STK4: variants seen among roughly 807,000 people sequenced by gnomAD.
The protein encoded by STK4 is serine/threonine-protein kinase 4.
Under a neutral mutation model 64.9 loss-of-function variants are expected in STK4, and 30 were observed. The ratio of observed to expected loss-of-function variants is 0.46; its 90% CI spans 0.35 to 0.63. The LOEUF (loss-of-function observed/expected upper bound fraction) is 0.63, where lower values mean the gene tolerates loss of function less well. Among genes scored for constraint, STK4 ranks in the 20% least tolerant of loss-of-function variants. The pLI is 0.01. For missense variants in STK4, 466 were observed against 598.5 expected (o/e 0.78, Z 2.31); for synonymous variants, 177 against 199.0 (o/e 0.89, Z 0.93).
chr20:44,995,727 G>T (rs1203628787), intron 6 of STK4, among the ~76,000 whole-genome samples: 3 of 151,292 alleles, frequency 2.0e-5, no homozygotes, highest in African/African-American at 7.3e-5. Flanking sequence ...GACTCTAGTT[G>T]TAGTCATTAA....
Position 45,077,093 on chromosome 20 carries a change from T to A in STK4, c.*1917T>A, listed in dbSNP as rs1267610713. ...TATCTCCATTTTGTAGTTGAAGAAA[T>A]AAGTTCAGAGAGAAAGATTCCTTCC... On this transcript the variant is annotated 3_prime_UTR_variant, in exon 11 of 11. Coordinates refer to ENST00000372806, the MANE Select transcript of STK4 (RefSeq NM_006282.5). 4 of 152,190 alleles carry A rather than the reference T, an allele frequency of 2.6e-5. No homozygotes were observed. Among genetic ancestry groups the A allele is most frequent in the Non-Finnish European group, 4.4e-5 (3 of 68,040 alleles). The allele number at this position is 152,190 out of a possible 1,614,324, so 9.4% of individuals were successfully genotyped here. A position where few individuals can be genotyped will look rare whatever the true frequency, so the allele number is the denominator to read the frequency against.
At chr20:45,025,780 T>C (rs1341637917) in intron 10 of STK4, among the ~76,000 whole-genome samples, 1 of 152,200 alleles carries the variant, frequency 6.6e-6, no homozygotes, top group Non-Finnish European at 1.5e-5. Context: ...GAGCTTTTTA[T>C]TTTTACATTC....
chr20:45,059,405 T>C (rs988381177), intron 10 of STK4, among the ~76,000 whole-genome samples: 1 of 152,186 alleles, frequency 6.6e-6, no homozygotes, highest in African/African-American at 2.4e-5. Context: ...GCATTTTGGG[T>C]CTATTATTAA....
At chr20:44,974,461 CAT>C (rs938522996) in intron 2 of STK4, 6 of 152,126 alleles carry the variant, frequency 3.9e-5, no homozygotes, top group African/African-American at 1.4e-4. Flanking sequence ...CTTTTCCAAA[CAT>C]GTGACACAAT....
At chr20:45,025,339 AT>A (rs1308287920) in intron 10 of STK4, among the ~76,000 whole-genome samples, 2 of 152,188 alleles carry the variant, frequency 1.3e-5, no homozygotes, top group African/African-American at 4.8e-5. Flanking sequence ...CGAAGTCCAT[AT>A]TCAGTTTTTA....
At chr20:44,971,963 A>G in intron 1 of STK4, 115 bp from the exon 2 acceptor site, 1 of 941,218 alleles carries the variant, frequency 1.1e-6, no homozygotes, top group Non-Finnish European at 1.6e-6. Flanking sequence ...AGTCTTAACT[A>G]GTGAAGTCTG....
chr20:44,995,036 G>A lies in STK4; in HGVS notation c.526-54G>A, dbSNP rs532443914. 6.3e-6 allele frequency: 8 copies of A among 1,262,304 alleles called. No homozygotes were observed. In the African/African-American group the frequency reaches 1.2e-4, roughly 20 times the overall value. The allele number at this position is 1,262,304 out of a possible 1,614,324, so 78.2% of individuals were successfully genotyped here. ...TTTTTTCTCTGTAGACTTCCTCTGT[G>A]GACATCTCAGTAGTTTTAAGCTTAG... On this transcript the variant is annotated intron_variant, in intron 5 of 10. Transcript: ENST00000372806.
At chr20:44,971,082 T>TCCACAC (rs373158799) in intron 1 of STK4, among the ~76,000 whole-genome samples, 1 of 136,430 alleles carries the variant, frequency 7.3e-6, no homozygotes, top group African/African-American at 2.8e-5. Context: ...TTGTGTAGAC[T>TCCACAC]ACACACACAC....
chr20:45,016,295 G>T (rs1257960606), intron 9 of STK4, among the ~76,000 whole-genome samples: 1 of 152,150 alleles, frequency 6.6e-6, no homozygotes, highest in Non-Finnish European at 1.5e-5. Flanking sequence ...TAAAGTTTCA[G>T]CCTCTTATCT....
rs1381505960 is a variant in STK4 at position 45,028,501 on chromosome 20, A to T, written c.1305+3371A>T. ...ATCACCACGCCTGGCTAATTTTTAA[A>T]TTTTTTCCAAAGATGAGGTCTGGAA... On this transcript the variant is annotated intron_variant, in intron 10 of 10. Coordinates refer to ENST00000372806, the MANE Select transcript of STK4 (RefSeq NM_006282.5). 4.0e-5 allele frequency among the ~76,000 whole-genome samples: 6 copies of T among 151,720 alleles called. No individual in the cohort carries two copies. The East Asian group carries it at 1.2e-3, about 29-fold the overall frequency.
In STK4 at chr20:44,988,533, G is replaced by GTGTATATATATATATA. The variant is rs1221720136; in HGVS notation, c.525+1238_525+1239insGTATATATATATATAT. Among the ~76,000 whole-genome samples, 221 of 101,514 alleles carry GTGTATATATATATATA rather than the reference G, an allele frequency of 2.2e-3. 6 individuals are homozygous for GTGTATATATATATATA. Among genetic ancestry groups the GTGTATATATATATATA allele is most frequent in the African/African-American group, 9.6e-3 (201 of 20,972 alleles). The allele number at this position is 101,514 out of a possible 152,430, so 66.6% of individuals were successfully genotyped here. A position where few individuals can be genotyped will look rare whatever the true frequency, so the allele number is the denominator to read the frequency against. ...TGTGTGTGTATATATATGTGTGTGTGTATATATATATATATATATATATAT... is the reference window on the plus strand; with the variant it reads ...TGTGTGTGTATATATATGTGTGTGTGTGTATATATATATATATATATATATATATATATATATATAT... On this transcript the variant is annotated intron_variant, in intron 5 of 10. Transcript: ENST00000372806.
At chr20:45,059,043 C>A (rs1294725694) in intron 10 of STK4, among the ~76,000 whole-genome samples, 8 of 152,090 alleles carry the variant, frequency 5.3e-5, no homozygotes, top group Non-Finnish European at 1.0e-4. Context: ...TGTTCCAAGA[C>A]CCCCCACTGG....
At chr20:45,011,041 A>G (rs2068035780) in intron 9 of STK4, among the ~76,000 whole-genome samples, 1 of 152,182 alleles carries the variant, frequency 6.6e-6, no homozygotes, top group Admixed American at 6.5e-5. Flanking sequence ...GAGGCAAACC[A>G]TGGTCCACGT....
rs143589631 is a variant in STK4 at position 44,979,883 on chromosome 20, T to TA, written c.245+1313dup. 4.4e-3 allele frequency among the ~76,000 whole-genome samples: 671 copies of TA among 152,264 alleles called. 3 individuals are homozygous for TA. The highest frequency in any genetic ancestry group is 0.016 in the African/African-American group (650 of 41,540). On this transcript the variant is annotated intron_variant, in intron 3 of 10. Coordinates refer to ENST00000372806, the MANE Select transcript of STK4 (RefSeq NM_006282.5). Reference sequence around the variant, plus strand: ...GTTTTCCATTTGCTCCTTTTTCAGATACATTTTGGAAGTTCTTTCCATTTG... The same window carrying TA: ...GTTTTCCATTTGCTCCTTTTTCAGATAACATTTTGGAAGTTCTTTCCATTTG...
intron 9 of STK4, among the ~76,000 whole-genome samples, chr20:45,024,101 C>T (rs1227107703): frequency 1.3e-5 from 2 of 151,692 alleles, no homozygotes; most frequent in South Asian, 2.1e-4. Flanking sequence ...GGGGTTTCAT[C>T]GTATTAGCCA....
chr20:45,008,738 G>C (rs2067994408), intron 9 of STK4, among the ~76,000 whole-genome samples: 1 of 151,990 alleles, frequency 6.6e-6, no homozygotes, highest in Non-Finnish European at 1.5e-5. Context: ...ATTCTTACTG[G>C]TATGAGATAT....
Position 45,025,046 on chromosome 20 carries a change from G to T in STK4, c.1221G>T (p.Gln407His), listed in dbSNP as rs554264474. The change falls in exon 10 of 11, where the codon CAG becomes CAT. Residue 407 changes from glutamine to histidine, a missense_variant. This residue lies in a region of STK4 where 276 missense variants were observed against 308.9 expected (regional missense o/e 0.89). Transcript: ENST00000372806. ...TTGAACAAAAAGAAAAGGAAAACCA[G>T]ATCAACAGCTTTGGCAAGAGTGTAC... ...EYFEQKEKEN[Q>H]INSFGKSVPG... 3.1e-6 allele frequency: 5 copies of T among 1,613,440 alleles called. No homozygotes were observed. Among genetic ancestry groups the T allele is most frequent in the African/African-American group, 2.7e-5 (2 of 75,046 alleles).
At chr20:45,057,386 A>G (rs1978580475) in intron 10 of STK4, among the ~76,000 whole-genome samples, 1 of 152,248 alleles carries the variant, frequency 6.6e-6, no homozygotes, top group Non-Finnish European at 1.5e-5. Context: ...AGTGCTATCA[A>G]GTCAAGAGCA....
At chr20:45,033,679 A>G (rs1340935720) in intron 10 of STK4, among the ~76,000 whole-genome samples, 1 of 152,130 alleles carries the variant, frequency 6.6e-6, no homozygotes, top group Non-Finnish European at 1.5e-5. Flanking sequence ...TCCTGGGTTC[A>G]AGTGATTCTC....
Sources: gnomAD v4.1 joint callset for allele counts (sites outside exome capture counted in the v4.1 genomes callset) on GRCh38, gnomAD v4.1.1 for gene constraint, gnomAD v4.1.1 regional missense constraint, MANE v1.5 for transcripts, NCBI Gene and HGNC (gene_info 2026-07-23, HGNC 2026-07-21) for gene names.